The following ANK2 variants were observed in gnomAD, a reference collection of about 807,000 sequenced individuals.
ANK2 encodes the protein ankyrin 2, also known as ankyrin-2.
Under a neutral mutation model 360.5 loss-of-function variants are expected in ANK2, and 83 were observed. The observed-to-expected ratio is 0.23, with a 90% CI of 0.19 to 0.28. The LOEUF is 0.28. ANK2 is among the 10% of genes least tolerant of loss of function. ANK2 has a pLI of 1.00. For synonymous variants in ANK2, 1,740 were observed against 1,759.5 expected (o/e 0.99, Z 0.28); for missense variants, 4,201 against 4,795.7 (o/e 0.88, Z 3.66).
At chr4:113,118,016 A>G (rs968613957) in intron 1 of ANK2, among the ~76,000 whole-genome samples, 16 of 152,254 alleles carry the variant, frequency 1.1e-4, no homozygotes, top group African/African-American at 3.8e-4. Context: ...GTTTTCTATC[A>G]TTAATCCTTT....
intron 1 of ANK2, among the ~76,000 whole-genome samples, chr4:112,865,246 A>C (rs1318032438): frequency 6.6e-6 from 1 of 152,034 alleles, no homozygotes; most frequent in Non-Finnish European, 1.5e-5. Context: ...ATGAAACTTA[A>C]TGTCGGCAGT....
chr4:113,352,755 A>G (rs1278072540), intron 37 of ANK2, among the ~76,000 whole-genome samples: 3 of 150,440 alleles, frequency 2.0e-5, no homozygotes, highest in South Asian at 2.1e-4. Context: ...TTGTGTGTGT[A>G]TGTGCGTCTT....
At chr4:113,000,620 T>C (rs1356553481) in intron 2 of ANK2, among the ~76,000 whole-genome samples, 3 of 152,112 alleles carry the variant, frequency 2.0e-5, no homozygotes, top group African/African-American at 7.2e-5. Flanking sequence ...TAGAATGATA[T>C]GAAAAAAATT....
In ANK2 at chr4:113,043,665, A is replaced by G. The variant is rs2063529546; in HGVS notation, c.22-130751A>G. ...TCTTTTCCCCACTGATAACAAAAGTATAAAAAAGAGAGAAAAAAGAATTCT... is the reference window on the plus strand; with the variant it reads ...TCTTTTCCCCACTGATAACAAAAGTGTAAAAAAGAGAGAAAAAAGAATTCT... On this transcript the variant is annotated intron_variant, in intron 2 of 30. Transcript: ENST00000503271. Among the ~76,000 whole-genome samples, 4 of 152,178 alleles carry G rather than the reference A, an allele frequency of 2.6e-5. 1 individual carries two copies. The South Asian group carries it at 8.3e-4, about 31-fold the overall frequency.
intron 2 of ANK2, among the ~76,000 whole-genome samples, chr4:113,189,299 C>T (rs2153347011): frequency 6.6e-6 from 1 of 152,258 alleles, no homozygotes; most frequent in South Asian, 2.1e-4. Context: ...ATGCTCCCTC[C>T]TCTCTCTTCC....
chr4:113,272,158 A>G (rs29403), intron 14 of ANK2, among the ~76,000 whole-genome samples: 5 of 152,212 alleles, frequency 3.3e-5, no homozygotes, highest in Admixed American at 1.3e-4. Flanking sequence ...CAAATCTTTG[A>G]ACTTTATCCC....
rs541042051 is a variant in ANK2 at position 112,827,100 on chromosome 4, C to T, written c.-40+8836C>T. ...ATGCAACACAGGAAAAATTATGAAG[C>T]CTTCTAGAAAAACTGACTGCAATTG... On this transcript the variant is annotated intron_variant, in intron 1 of 30. Coordinates refer to the ANK2 transcript ENST00000503271. 1.5e-5 allele frequency: 17 copies of T among 1,114,664 alleles called. No individual in the cohort carries two copies. In the East Asian group the frequency reaches 1.9e-4, roughly 12 times the overall value. 69.0% of individuals were successfully genotyped at this position (1,114,664 alleles called of 1,614,324 possible).
In ANK2 at chr4:113,345,893, G is replaced by A; in HGVS notation, c.4249-7G>A. 6.2e-7 allele frequency: 1 copy of A among 1,613,230 alleles called. No individual in the cohort carries two copies. On this transcript the variant is annotated splice_region_variant and splice_polypyrimidine_tract_variant and intron_variant, in intron 34 of 45. Coordinates refer to ENST00000357077, the MANE Select transcript of ANK2 (RefSeq NM_001148.6). ...TGGGTGAAGCATGTATGTCTTTCTTGTTCAAGGTACGCGATACGACTCAGG... is the reference window on the plus strand; with the variant it reads ...TGGGTGAAGCATGTATGTCTTTCTTATTCAAGGTACGCGATACGACTCAGG...
intron 27 of ANK2, 84 bp from the exon 28 acceptor site, chr4:113,331,888 G>A: frequency 8.0e-7 from 1 of 1,252,554 alleles, no homozygotes; most frequent in Non-Finnish European, 1.2e-6. Context: ...CTGTGGATCA[G>A]CTGGCGACGC....
intron 4 of ANK2, among the ~76,000 whole-genome samples, chr4:113,216,795 C>T (rs1453254694): frequency 6.6e-6 from 1 of 152,128 alleles, no homozygotes; most frequent in Non-Finnish European, 1.5e-5. Flanking sequence ...TGAGGAGCAA[C>T]ACCTTCCCTT....
chr4:113,211,932 C>T (rs910621488), intron 4 of ANK2, among the ~76,000 whole-genome samples: 19 of 152,228 alleles, frequency 1.2e-4, no homozygotes, highest in African/African-American at 4.6e-4. Context: ...GTTAAATTCT[C>T]TTTATGCTAT....
intron 1 of ANK2, among the ~76,000 whole-genome samples, chr4:112,841,352 T>C (rs2062038851): frequency 6.6e-6 from 1 of 152,204 alleles, no homozygotes; most frequent in Non-Finnish European, 1.5e-5. Context: ...GTTCAGTAAA[T>C]ATGGGTCATT....
chr4:112,897,853 C>A (rs1268864264), intron 1 of ANK2, among the ~76,000 whole-genome samples: 2 of 152,144 alleles, frequency 1.3e-5, no homozygotes, highest in African/African-American at 4.8e-5. Context: ...ATAATAAGAA[C>A]TAGTTTCCTG....
At chr4:112,708,770 C>A in the ANK2 span, among the ~76,000 whole-genome samples, 1 of 152,060 alleles carries the variant, frequency 6.6e-6, no homozygotes, top group African/African-American at 2.4e-5. Flanking sequence ...TAATAATGAG[C>A]CTAAATAATA....
At chr4:113,227,889 A>C (rs1413424192) in intron 4 of ANK2, among the ~76,000 whole-genome samples, 2 of 152,230 alleles carry the variant, frequency 1.3e-5, no homozygotes, top group Non-Finnish European at 2.9e-5. Flanking sequence ...TAATTACTTC[A>C]GGATACTATG....
chr4:113,205,105 G>T (rs181368180), intron 4 of ANK2, among the ~76,000 whole-genome samples: 3 of 151,616 alleles, frequency 2.0e-5, no homozygotes, highest in Non-Finnish European at 2.9e-5. Context: ...GCGTAGTGGC[G>T]GGCTCCTGTA....
intron 2 of ANK2, among the ~76,000 whole-genome samples, chr4:112,998,927 G>A (rs927829290): frequency 6.6e-6 from 1 of 152,038 alleles, no homozygotes; most frequent in Admixed American, 6.6e-5. Context: ...TGTTTTCATT[G>A]CAAATCAAAA....
chr4:113,323,691 C>A, intron 26 of ANK2: 3 of 1,470,788 alleles, frequency 2.0e-6, no homozygotes, highest in Non-Finnish European at 2.8e-6. Flanking sequence ...TAAGTCACTT[C>A]TGAGTTCCTT....
At chr4:113,243,619 T>C (rs537693951) in intron 9 of ANK2, among the ~76,000 whole-genome samples, 2 of 152,338 alleles carry the variant, frequency 1.3e-5, no homozygotes, top group South Asian at 4.1e-4. Flanking sequence ...TTTTGCTTAG[T>C]AGGCATGCCT....
Sources: allele counts gnomAD v4.1 joint callset (sites outside exome capture counted in the v4.1 genomes callset), GRCh38; gene constraint gnomAD v4.1.1; transcripts MANE v1.5; gene names NCBI Gene and HGNC (gene_info 2026-07-23, HGNC 2026-07-21).